The following CREB5 variants were observed in gnomAD, a reference collection of about 807,000 sequenced individuals.
CREB5 encodes the protein cAMP responsive element binding protein 5, also known as cyclic AMP-responsive element-binding protein 5.
CREB5 carries 19 observed loss-of-function variants against 57.1 expected under a neutral mutation model. The observed-to-expected ratio is 0.33, with a 90% CI of 0.23 to 0.49. The LOEUF is 0.49. Ranked by LOEUF, CREB5 falls within the 20% of genes least tolerant of loss-of-function variation. CREB5 has a pLI of 0.99. For missense variants in CREB5, 579 were observed against 671.6 expected (o/e 0.86, Z 1.52); for synonymous variants, 238 against 238.3 (o/e 1.00, Z 0.01).
chr7:28,644,687 A>G (rs1380961168), intron 5 of CREB5, among the ~76,000 whole-genome samples: 1 of 152,252 alleles, frequency 6.6e-6, no homozygotes, highest in East Asian at 1.9e-4. Context: ...GTTTAAAAAG[A>G]AAGACAAATA....
intron 1 of CREB5, among the ~76,000 whole-genome samples, chr7:28,426,296 A>G (rs992167226): frequency 1.3e-5 from 2 of 152,172 alleles, no homozygotes; most frequent in Non-Finnish European, 2.9e-5. Flanking sequence ...TAAATGGAGG[A>G]GTTGGGTTTG....
chr7:28,765,326 A>G (rs1247886931), intron 7 of CREB5, among the ~76,000 whole-genome samples: 1 of 152,222 alleles, frequency 6.6e-6, no homozygotes, highest in Non-Finnish European at 1.5e-5. Flanking sequence ...TGTACTTCCT[A>G]AGTGTTTTAC....
intron 1 of CREB5, among the ~76,000 whole-genome samples, chr7:28,309,189 T>C (rs926893245): frequency 6.6e-6 from 1 of 152,222 alleles, no homozygotes; most frequent in African/African-American, 2.4e-5. Flanking sequence ...TCCATTATCA[T>C]GTGAGACATT....
At chr7:28,304,702 A>G (rs1302813832) in intron 1 of CREB5, among the ~76,000 whole-genome samples, 2 of 152,244 alleles carry the variant, frequency 1.3e-5, no homozygotes, top group Non-Finnish European at 2.9e-5. Flanking sequence ...GATAAATTAT[A>G]GTACAGTATA....
intron 4 of CREB5, among the ~76,000 whole-genome samples, chr7:28,558,914 G>T (rs1348143860): frequency 6.6e-6 from 1 of 152,126 alleles, no homozygotes; most frequent in Non-Finnish European, 1.5e-5. Context: ...AGAGACATTT[G>T]TTTAGTAATT....
At chr7:28,405,345 C>A (rs983078366) in intron 1 of CREB5, among the ~76,000 whole-genome samples, 5 of 152,124 alleles carry the variant, frequency 3.3e-5, no homozygotes, top group Non-Finnish European at 5.9e-5. Context: ...GTGATGTGGG[C>A]AGAAGGGATG....
intron 7 of CREB5, among the ~76,000 whole-genome samples, chr7:28,728,325 A>G (rs961515075): frequency 6.6e-6 from 1 of 152,236 alleles, no homozygotes; most frequent in Non-Finnish European, 1.5e-5. Flanking sequence ...AGCAAAGACT[A>G]AAGTTTCAGA....
intron 1 of CREB5, among the ~76,000 whole-genome samples, chr7:28,471,929 C>T (rs1183432938): frequency 6.7e-6 from 1 of 149,930 alleles, no homozygotes; most frequent in East Asian, 2.0e-4. Flanking sequence ...TATAAAATCA[C>T]AATAAGATAA....
At chr7:28,390,901 T>C (rs1787203770) in intron 1 of CREB5, among the ~76,000 whole-genome samples, 1 of 152,106 alleles carries the variant, frequency 6.6e-6, no homozygotes, top group Non-Finnish European at 1.5e-5. Context: ...ACTTAGCGTT[T>C]CCTTATGCAC....
At chr7:28,733,416 C>T (rs1458019077) in intron 7 of CREB5, among the ~76,000 whole-genome samples, 1 of 152,188 alleles carries the variant, frequency 6.6e-6, no homozygotes, top group African/African-American at 2.4e-5. Flanking sequence ...ACCATGATCT[C>T]GCTCCAGGAC....
At position 28,804,472 on chromosome 7, in the gene CREB5, C is replaced by T. The variant is rs1808578527; in HGVS notation, c.976C>T (p.His326Tyr). The T allele has an allele frequency of 1.9e-6, 3 of 1,614,070 alleles. No homozygotes were observed. The highest frequency in any genetic ancestry group is 1.3e-5 in the African/African-American group (1 of 74,930). ...TTCCCACCTTCATGCACACCCAGCACATCACCAGACCTCGCCACATCCGCC... is the reference window on the plus strand; with the variant it reads ...TTCCCACCTTCATGCACACCCAGCATATCACCAGACCTCGCCACATCCGCC... ...SHSHLHAHPA[H>Y]HQTSPHPPLH... Residue 326 changes from histidine to tyrosine, a missense_variant, in exon 8 of 11, where the codon CAT becomes TAT. Transcript: ENST00000357727.
chr7:28,756,259 A>T (rs1805290885), intron 7 of CREB5, among the ~76,000 whole-genome samples: 1 of 152,070 alleles, frequency 6.6e-6, no homozygotes, highest in Non-Finnish European at 1.5e-5. Context: ...ACTCAGCAAA[A>T]GTACATTGAG....
chr7:28,542,500 AAGAGAC>A (rs1010491746), intron 4 of CREB5, among the ~76,000 whole-genome samples: 1 of 152,168 alleles, frequency 6.6e-6, no homozygotes, highest in African/African-American at 2.4e-5. Context: ...TAAATCTTGT[AAGAGAC>A]AGAGTGGAAA....
intron 5 of CREB5, among the ~76,000 whole-genome samples, chr7:28,717,312 A>C (rs1484317686): frequency 6.6e-6 from 1 of 152,078 alleles, no homozygotes; most frequent in Non-Finnish European, 1.5e-5. Context: ...TTTCATATAT[A>C]CACCTATCTA....
At chr7:28,576,084 T>G (rs1230960282) in intron 5 of CREB5, among the ~76,000 whole-genome samples, 1 of 152,220 alleles carries the variant, frequency 6.6e-6, no homozygotes, top group Non-Finnish European at 1.5e-5. Flanking sequence ...TCTTCGAATC[T>G]GGTCCTTGCC....
chr7:28,806,150 A>C (rs1808719207), intron 8 of CREB5, among the ~76,000 whole-genome samples: 1 of 152,236 alleles, frequency 6.6e-6, no homozygotes, highest in Non-Finnish European at 1.5e-5. Flanking sequence ...AATTCTTTGA[A>C]TATAAAAGCC....
intron 5 of CREB5, among the ~76,000 whole-genome samples, chr7:28,641,110 G>A (rs1798641738): frequency 6.6e-6 from 1 of 152,132 alleles, no homozygotes; most frequent in Admixed American, 6.5e-5. Flanking sequence ...TTGTTCAAGA[G>A]TCAAGAATCC....
intron 7 of CREB5, among the ~76,000 whole-genome samples, chr7:28,765,344 C>A (rs888274998): frequency 5.3e-5 from 8 of 152,204 alleles, no homozygotes; most frequent in Non-Finnish European, 1.0e-4. Flanking sequence ...TACCCTTGTA[C>A]AAATCCAGCA....
chr7:28,564,216 A>T (rs950649237), intron 4 of CREB5, among the ~76,000 whole-genome samples: 8 of 152,214 alleles, frequency 5.3e-5, no homozygotes, highest in African/African-American at 1.9e-4. Context: ...CAACTCGTAA[A>T]TGCGAGTTAA....
Sources: allele counts gnomAD v4.1 joint callset (sites outside exome capture counted in the v4.1 genomes callset), GRCh38; gene constraint gnomAD v4.1.1; transcripts MANE v1.5; gene names NCBI Gene and HGNC (gene_info 2026-07-23, HGNC 2026-07-21).